Variants in CC2D2B observed in about 807,000 individuals in gnomAD.
CC2D2B encodes coiled-coil and C2 domain containing 2B, also known as protein CC2D2B.
In CC2D2B, 128 loss-of-function variants were observed where a neutral mutation model predicts 161.2. That is an observed-to-expected ratio of 0.79 (90% CI 0.69 to 0.92). The LOEUF is 0.92. CC2D2B is among the 40% of genes least tolerant of loss of function. The pLI is 0.00. For missense variants in CC2D2B, 1,173 were observed against 1,375.1 expected, an observed-to-expected ratio of 0.85 and a Z score of 2.32; for synonymous variants, 391 against 449.8, an observed-to-expected ratio of 0.87 and a Z score of 1.65.
intron 2 of CC2D2B, among the ~76,000 whole-genome samples, chr10:95,916,002 A>G (rs576365927): frequency 2.7e-4 from 41 of 152,148 alleles, no homozygotes; most frequent in Non-Finnish European, 3.5e-4. Flanking sequence ...ATGTTTGCCA[A>G]AATTTAGCAG....
chr10:95,999,084 G>T (rs1274159107), intron 24 of CC2D2B, among the ~76,000 whole-genome samples: 10 of 151,680 alleles, frequency 6.6e-5, no homozygotes. Context: ...CCGTCTCAAA[G>T]AAAAAAACAA....
chr10:96,029,286 GTATATATATATATATA>G (rs58363071), intron 34 of CC2D2B, among the ~76,000 whole-genome samples: 41 of 70,632 alleles, frequency 5.8e-4, no homozygotes, highest in Admixed American at 1.2e-3. Flanking sequence ...ATATATATAT[GTATATATATATATATA>G]TATGTATATC....
intron 17 of CC2D2B, among the ~76,000 whole-genome samples, chr10:95,981,115 A>C (rs549422686): frequency 1.3e-5 from 2 of 152,174 alleles, no homozygotes; most frequent in East Asian, 1.9e-4. Flanking sequence ...ATCTCATGGC[A>C]GGGCACAGTG....
chr10:95,937,353 T>C (rs567130291), intron 6 of CC2D2B, among the ~76,000 whole-genome samples: 1 of 152,324 alleles, frequency 6.6e-6, no homozygotes, highest in East Asian at 1.9e-4. Flanking sequence ...TGATTTTGCT[T>C]TCATGAATAG....
intron 9 of CC2D2B, among the ~76,000 whole-genome samples, chr10:95,945,776 A>AC (rs2076174402): frequency 9.5e-6 from 1 of 105,238 alleles, no homozygotes; most frequent in Admixed American, 1.1e-4. Flanking sequence ...CTAATGTTGG[A>AC]CTTTTTTTTT....
intron 6 of CC2D2B, among the ~76,000 whole-genome samples, chr10:95,927,596 C>A (rs1024348434): frequency 1.6e-5 from 2 of 121,620 alleles, no homozygotes; most frequent in Non-Finnish European, 3.5e-5. Context: ...TTATGCTTAT[C>A]TTTACAGGTA....
At chr10:95,973,514 T>C (rs946876847) in intron 16 of CC2D2B, among the ~76,000 whole-genome samples, 1 of 152,088 alleles carries the variant, frequency 6.6e-6, no homozygotes, top group Non-Finnish European at 1.5e-5. Context: ...CCTTCTCTTT[T>C]GTAGTCCTTG....
At chr10:95,947,113 A>ATATATATATATTT (rs1289243570) in intron 9 of CC2D2B, among the ~76,000 whole-genome samples, 1 of 48,376 alleles carries the variant, frequency 2.1e-5, no homozygotes, top group African/African-American at 9.4e-5. Context: ...ATATATATAT[A>ATATATATATATTT]TTTTTTTTTT....
At chr10:95,910,872 T>G (rs553666576) in intron 1 of CC2D2B, among the ~76,000 whole-genome samples, 1 of 152,198 alleles carries the variant, frequency 6.6e-6, no homozygotes, top group Non-Finnish European at 1.5e-5. Flanking sequence ...ATCTTGAAGT[T>G]TTTTTCAGTA....
At chr10:95,969,252 C>A (rs1469040731) in intron 15 of CC2D2B, among the ~76,000 whole-genome samples, 2 of 152,182 alleles carry the variant, frequency 1.3e-5, no homozygotes, top group African/African-American at 2.4e-5. Flanking sequence ...ATAATACGAA[C>A]TTCCACATTC....
chr10:95,993,952 GTATATATATATATA>G lies in CC2D2B; in HGVS notation c.2643-1284_2643-1271del, dbSNP rs1169560460. Among the ~76,000 whole-genome samples, 124 of 18,182 alleles carry G rather than the reference GTATATATATATATA, an allele frequency of 6.8e-3. 3 individuals carry two copies. Among genetic ancestry groups the G allele is most frequent in the Non-Finnish European group, 0.012 (96 of 7,782 alleles). 11.9% of individuals were successfully genotyped at this position (18,182 alleles called of 152,430 possible). On this transcript the variant is annotated intron_variant, in intron 22 of 34. Coordinates refer to ENST00000646931, the MANE Select transcript of CC2D2B (RefSeq NM_001349008.3). ...TGTGTGTGTGTGTGTGTATGTATGTGTATATATATATATATATATATATATATATATATATATAT... is the reference window on the plus strand; with the variant it reads ...TGTGTGTGTGTGTGTGTATGTATGTGTATATATATATATATATATATATAT...
chr10:95,924,021 CAAAAAAAAT>C (rs1183044070), intron 3 of CC2D2B, among the ~76,000 whole-genome samples: 3 of 147,232 alleles, frequency 2.0e-5, no homozygotes, highest in South Asian at 4.3e-4. Flanking sequence ...AACTCTGTCT[CAAAAAAAAT>C]AAAAAAAATA....
At chr10:95,962,640 T>C (rs2076800443) in intron 12 of CC2D2B, among the ~76,000 whole-genome samples, 1 of 152,136 alleles carries the variant, frequency 6.6e-6, no homozygotes, top group South Asian at 2.1e-4. Flanking sequence ...GGGAAATAAC[T>C]AATTTTCTCC....
chr10:96,011,058 A>T (rs944766694), intron 26 of CC2D2B, among the ~76,000 whole-genome samples: 9 of 152,198 alleles, frequency 5.9e-5, no homozygotes, highest in African/African-American at 1.7e-4. Flanking sequence ...TATACCAGTT[A>T]AAGTGTTAAT....
chr10:95,927,934 A>T (rs1354083971), intron 6 of CC2D2B, among the ~76,000 whole-genome samples: 2 of 151,620 alleles, frequency 1.3e-5, no homozygotes, highest in Non-Finnish European at 2.9e-5. Flanking sequence ...TTTCCTCCTG[A>T]CTTGTCTCCC....
chr10:95,996,253 G>A lies in CC2D2B; in HGVS notation c.2849+1G>A, dbSNP rs1397496942. 10 of 1,318,272 alleles carry A rather than the reference G, an allele frequency of 7.6e-6. No homozygotes were observed. The highest frequency in any genetic ancestry group is 1.0e-5 in the Non-Finnish European group (10 of 978,026). The allele number at this position is 1,318,272 out of a possible 1,614,324, so 81.7% of individuals were successfully genotyped here. A position where few individuals can be genotyped will look rare whatever the true frequency, so the allele number is the denominator to read the frequency against. Reference sequence around the variant, plus strand: ...ATGAAGAAATTAAAGTAGATTTTGTGTAAGTTGGAGTTCATTTTTCCATAG... The same window carrying A: ...ATGAAGAAATTAAAGTAGATTTTGTATAAGTTGGAGTTCATTTTTCCATAG... On this transcript the variant is annotated splice_donor_variant, in intron 24 of 34. Coordinates refer to ENST00000646931, the MANE Select transcript of CC2D2B (RefSeq NM_001349008.3). LOFTEE classifies it high-confidence loss of function.
intron 6 of CC2D2B, among the ~76,000 whole-genome samples, chr10:95,933,047 A>G (rs1324233173): frequency 6.6e-6 from 1 of 152,052 alleles, no homozygotes; most frequent in Non-Finnish European, 1.5e-5. Flanking sequence ...CTTTTCACAT[A>G]GTCCCATATT....
At chr10:95,981,251 G>A (rs540851588) in intron 17 of CC2D2B, among the ~76,000 whole-genome samples, 2 of 152,190 alleles carry the variant, frequency 1.3e-5, no homozygotes, top group Admixed American at 1.3e-4. Context: ...AGTTAGCCAG[G>A]CGTGGTAGCA....
intron 34 of CC2D2B, among the ~76,000 whole-genome samples, chr10:96,031,556 T>G (rs771081420): frequency 2.0e-5 from 3 of 152,210 alleles, no homozygotes; most frequent in Non-Finnish European, 4.4e-5. Context: ...ATGTTACATG[T>G]GCAGGCTTTG....
Sources: allele counts gnomAD v4.1 joint callset (sites outside exome capture counted in the v4.1 genomes callset), GRCh38; gene constraint gnomAD v4.1.1; transcripts MANE v1.5; gene names NCBI Gene and HGNC (gene_info 2026-07-23, HGNC 2026-07-21).